Variants in NUP98 observed in about 807,000 individuals in gnomAD.
NUP98 encodes the protein nucleoporin 98 and 96 precursor, also known as nuclear pore complex protein Nup98-Nup96.
NUP98 carries 26 observed loss-of-function variants against 191.9 expected under a neutral mutation model. The observed-to-expected ratio is 0.14, with a 90% CI of 0.10 to 0.19. The LOEUF is 0.19. Ranked by LOEUF, NUP98 falls within the 10% of genes least tolerant of loss-of-function variation. NUP98 has a pLI of 1.00. For synonymous variants in NUP98, 808 were observed against 778.4 expected, an observed-to-expected ratio of 1.04 and a Z score of -0.63; for missense variants, 1,941 against 2,178.8, an observed-to-expected ratio of 0.89 and a Z score of 2.17.
chr11:3,713,048 C>G (rs4910665), intron 19 of NUP98, among the ~76,000 whole-genome samples: 7,711 of 152,250 alleles, frequency 0.051, 256 homozygotes, highest in Middle Eastern at 0.099. Context: ...TGCCTGTTAT[C>G]CTCTATCTAC....
chr11:3,790,552 C>T (rs2082301065), intron 1 of NUP98, among the ~76,000 whole-genome samples: 1 of 152,156 alleles, frequency 6.6e-6, no homozygotes, highest in South Asian at 2.1e-4. Flanking sequence ...CTGTTCTGAC[C>T]TCTGTGCTGA....
At chr11:3,778,175 G>C (rs1185384828) in intron 4 of NUP98, among the ~76,000 whole-genome samples, 2 of 146,166 alleles carry the variant, frequency 1.4e-5, no homozygotes, top group African/African-American at 5.1e-5. Flanking sequence ...CTCCAGCCTG[G>C]GTGACAGAGC....
At chr11:3,767,520 C>T (rs2081378935) in intron 8 of NUP98, among the ~76,000 whole-genome samples, 1 of 151,374 alleles carries the variant, frequency 6.6e-6, no homozygotes, top group Non-Finnish European at 1.5e-5. Context: ...TTAGCAGAGA[C>T]GGGGTTTCAC....
chr11:3,683,177 G>A (rs202080835), intron 30 of NUP98, 23 bp downstream of exon 30: 165 of 1,613,132 alleles, frequency 1.0e-4, no homozygotes, highest in African/African-American at 1.3e-5. Context: ...GTGATTCCAG[G>A]AGATGTGGAA....
chr11:3,768,502 C>G lies in NUP98; in HGVS notation c.948+79G>C, dbSNP rs1406714780. The G allele has an allele frequency of 3.9e-6, 5 of 1,275,802 alleles. No homozygotes were observed. The East Asian group carries it at 1.3e-4, about 33-fold the overall frequency. The allele number at this position is 1,275,802 out of a possible 1,614,324, so 79.0% of individuals were successfully genotyped here. ...AGATTTGCAGTACAGGTAGAATTTG[C>G]TAGTTTGACATGATTAGAATCCTCA... On this transcript the variant is annotated intron_variant, in intron 8 of 32. Transcript: ENST00000324932.
chr11:3,715,557 T>C (rs2079153606), intron 18 of NUP98, among the ~76,000 whole-genome samples: 1 of 152,190 alleles, frequency 6.6e-6, no homozygotes, highest in Non-Finnish European at 1.5e-5. Flanking sequence ...TTGTATATCT[T>C]TGGAGAAATG....
At chr11:3,676,410 T>C (rs2077812106) in intron 32 of NUP98, 34 bp from the exon 33 acceptor site, 2 of 1,611,466 alleles carry the variant, frequency 1.2e-6, no homozygotes, top group Non-Finnish European at 8.5e-7. Context: ...GCACTGAGCA[T>C]GGGGTCTGGA....
At chr11:3,714,950 G>C (rs969552220) in intron 18 of NUP98, 1 of 152,146 alleles carries the variant, frequency 6.6e-6, no homozygotes, top group African/African-American at 2.4e-5. Flanking sequence ...GTGTTGCTAT[G>C]AACATGGGTA....
At chr11:3,731,125 G>C (rs57158298) in intron 14 of NUP98, among the ~76,000 whole-genome samples, 10,366 of 152,146 alleles carry the variant, frequency 0.068, 610 homozygotes, top group South Asian at 0.19. Flanking sequence ...TTAGCTGGGC[G>C]TGATGGCACA....
chr11:3,757,278 C>G (rs2081000130), intron 10 of NUP98, among the ~76,000 whole-genome samples: 1 of 151,910 alleles, frequency 6.6e-6, no homozygotes. Flanking sequence ...CACCTGAGCT[C>G]AGGAGTTCGA....
At chr11:3,776,991 T>C (rs1268011935) in intron 4 of NUP98, among the ~76,000 whole-genome samples, 3 of 152,228 alleles carry the variant, frequency 2.0e-5, no homozygotes, top group African/African-American at 7.2e-5. Flanking sequence ...CTGAATGAAC[T>C]TGTCTTTCTG....
intron 31 of NUP98, chr11:3,676,826 AC>A (rs2077828360): frequency 1.8e-5 from 12 of 676,542 alleles, no homozygotes; most frequent in African/African-American, 5.3e-5. Flanking sequence ...TAACACAGTT[AC>A]CTAGCCTTGG....
rs367839252 is a variant in NUP98 at position 3,755,101 on chromosome 11, C to A, written c.1175-1693G>T. ...ATTAATGAATATGTCATTAATTTCT[C>A]ATGAGAGAAAAGAAATCATTAGCCA... On this transcript the variant is annotated intron_variant, in intron 10 of 32. Coordinates refer to ENST00000324932, the MANE Select transcript of NUP98 (RefSeq NM_016320.5). Among the ~76,000 whole-genome samples, 412 of 152,076 alleles carry A rather than the reference C, an allele frequency of 2.7e-3. 3 individuals are homozygous for A. The highest frequency in any genetic ancestry group is 9.0e-3 in the African/African-American group (375 of 41,464).
intron 9 of NUP98, among the ~76,000 whole-genome samples, chr11:3,762,228 G>A (rs2134519521): frequency 6.6e-6 from 1 of 151,448 alleles, no homozygotes; most frequent in East Asian, 1.9e-4. Context: ...TCTTGCCTCA[G>A]CATCTCAAGT....
chr11:3,777,620 C>CAAAAAAAA (rs35614116), intron 4 of NUP98, among the ~76,000 whole-genome samples: 1 of 59,468 alleles, frequency 1.7e-5, no homozygotes, highest in Non-Finnish European at 3.3e-5. Flanking sequence ...GACTCCGTCT[C>CAAAAAAAA]AAAAAAAAAA....
chr11:3,718,876 T>G (rs1384801233), intron 18 of NUP98, among the ~76,000 whole-genome samples: 1 of 152,006 alleles, frequency 6.6e-6, no homozygotes, highest in Non-Finnish European at 1.5e-5. Context: ...TCCCAGCACT[T>G]TGGGAGGCTG....
chr11:3,694,807 G>C (rs2078449825), intron 26 of NUP98, among the ~76,000 whole-genome samples: 1 of 151,792 alleles, frequency 6.6e-6, no homozygotes, highest in Admixed American at 6.6e-5. Flanking sequence ...TCAACACTTT[G>C]GGAGACCTAT....
At position 3,723,433 on chromosome 11, in the gene NUP98, C is replaced by T. The variant is rs757769012; in HGVS notation, c.1870G>A (p.Val624Ile). ...GERFSFLSKP[V>I]DENHQQDGDE... Reference sequence around the variant, plus strand: ...CCATCCTGCTGGTGATTCTCATCAACAGGTTTGCTTAGGAAACTAAATCTG... The same window carrying T: ...CCATCCTGCTGGTGATTCTCATCAATAGGTTTGCTTAGGAAACTAAATCTG... The change falls in exon 16 of 33, where the codon GTT becomes ATT. Residue 624 changes from valine to isoleucine, a missense_variant. Val to Ile is a conservative substitution (Grantham distance 29, BLOSUM62 3). Around this residue, in one of 6 missense-constraint regions of NUP98, gnomAD observed 453 missense variants for 438.2 expected, o/e 1.03. Transcript: ENST00000324932. The T allele has an allele frequency of 2.5e-6, 4 of 1,613,988 alleles. No homozygotes were observed. The highest frequency in any genetic ancestry group is 4.5e-5 in the East Asian group (2 of 44,878).
At chr11:3,737,836 A>G (rs1177827343) in intron 12 of NUP98, among the ~76,000 whole-genome samples, 1 of 152,142 alleles carries the variant, frequency 6.6e-6, no homozygotes, top group Non-Finnish European at 1.5e-5. Context: ...ATCTGTATTC[A>G]GAAAGTTCCT....
Sources: gnomAD v4.1 joint callset for allele counts (sites outside exome capture counted in the v4.1 genomes callset) on GRCh38, gnomAD v4.1.1 for gene constraint, gnomAD v4.1.1 regional missense constraint, MANE v1.5 for transcripts, NCBI Gene and HGNC (gene_info 2026-07-23, HGNC 2026-07-21) for gene names.